Variants in PCDH9 observed in about 807,000 individuals in gnomAD.
The protein encoded by PCDH9 is protocadherin 9.
Under a neutral mutation model 70.6 loss-of-function variants are expected in PCDH9, and 24 were observed. That is an observed-to-expected ratio of 0.34 (90% CI 0.25 to 0.48). The LOEUF (loss-of-function observed/expected upper bound fraction) is 0.48. Ranked by LOEUF, PCDH9 falls within the 20% of genes least tolerant of loss-of-function variation. The probability of loss-of-function intolerance (pLI) is 0.99; values close to 1 mark genes in which losing one functional copy is unlikely to be tolerated. For synonymous variants in PCDH9, 562 were observed against 558.5 expected, an observed-to-expected ratio of 1.01 and a Z score of -0.09; for missense variants, 1,281 against 1,503.6, an observed-to-expected ratio of 0.85 and a Z score of 2.45.
intron 3 of PCDH9, among the ~76,000 whole-genome samples, chr13:66,850,655 A>G (rs2081301139): frequency 6.6e-6 from 1 of 152,256 alleles, no homozygotes; most frequent in South Asian, 2.1e-4. Flanking sequence ...CTTAAAGATG[A>G]TAACAAAAAT....
At chr13:66,801,530 A>G (rs2080326780) in intron 3 of PCDH9, among the ~76,000 whole-genome samples, 3 of 152,038 alleles carry the variant, frequency 2.0e-5, no homozygotes, top group Non-Finnish European at 4.4e-5. Context: ...TTAATGAATT[A>G]CTCTTTGTAG....
chr13:67,142,186 G>A (rs995583683), intron 2 of PCDH9, among the ~76,000 whole-genome samples: 14 of 152,066 alleles, frequency 9.2e-5, no homozygotes, highest in Non-Finnish European at 1.8e-4. Flanking sequence ...TTCTGCTACC[G>A]TAAGTTTTTA....
At chr13:67,195,419 A>G (rs1043786820) in intron 2 of PCDH9, among the ~76,000 whole-genome samples, 4 of 152,180 alleles carry the variant, frequency 2.6e-5, no homozygotes, top group Non-Finnish European at 2.9e-5. Flanking sequence ...CTGGGATTAC[A>G]GGCGTGAGCC....
intron 3 of PCDH9, among the ~76,000 whole-genome samples, chr13:66,732,117 A>G (rs1445293187): frequency 6.6e-6 from 1 of 151,910 alleles, no homozygotes; most frequent in Non-Finnish European, 1.5e-5. Flanking sequence ...TTTTAAATTT[A>G]TTTTTATTTT....
At chr13:66,542,230 C>G (rs1960988929) in intron 4 of PCDH9, among the ~76,000 whole-genome samples, 1 of 151,956 alleles carries the variant, frequency 6.6e-6, no homozygotes, top group Non-Finnish European at 1.5e-5. Flanking sequence ...GACCTAATGA[C>G]ACGAGACTAC....
chr13:66,671,780 C>A (rs116254988), intron 3 of PCDH9, among the ~76,000 whole-genome samples: 3,850 of 152,052 alleles, frequency 0.025, 125 homozygotes, highest in African/African-American at 0.075. Context: ...TTTATGTATT[C>A]AAAAATATAT....
chr13:66,893,381 C>T (rs1470284564), intron 3 of PCDH9, among the ~76,000 whole-genome samples: 1 of 152,096 alleles, frequency 6.6e-6, no homozygotes, highest in Non-Finnish European at 1.5e-5. Context: ...TTGTCAGAAG[C>T]CTTAGATTAG....
intron 4 of PCDH9, among the ~76,000 whole-genome samples, chr13:66,627,271 C>T (rs915968152): frequency 6.6e-5 from 10 of 151,988 alleles, no homozygotes; most frequent in African/African-American, 2.2e-4. Context: ...CTATCAAAGC[C>T]CGGTCAACAA....
intron 3 of PCDH9, among the ~76,000 whole-genome samples, chr13:66,744,630 A>G (rs1003327325): frequency 6.6e-6 from 1 of 152,118 alleles, no homozygotes; most frequent in Non-Finnish European, 1.5e-5. Context: ...AATAGGATAT[A>G]ATATATACAT....
At chr13:66,910,484 G>A (rs2082442540) in intron 2 of PCDH9, among the ~76,000 whole-genome samples, 1 of 152,078 alleles carries the variant, frequency 6.6e-6, no homozygotes. Flanking sequence ...AATGGAACCA[G>A]TACGTTCCAA....
At position 67,227,156 on chromosome 13, in the gene PCDH9, A is replaced by G; in HGVS notation, c.1285T>C (p.Tyr429His). The G allele has an allele frequency of 6.8e-6, 11 of 1,613,764 alleles. No individual in the cohort carries two copies. Among genetic ancestry groups the G allele is most frequent in the Non-Finnish European group, 9.3e-6 (11 of 1,179,626 alleles). Residue 429 changes from tyrosine (Y) to histidine (H), a missense_variant, in exon 2 of 5, where the codon TAT becomes CAT. Around this residue, in one of 4 missense-constraint regions of PCDH9, gnomAD observed 798 missense variants for 1,003.1 expected, o/e 0.80. Coordinates refer to ENST00000377865, the MANE Select transcript of PCDH9 (RefSeq NM_203487.3). The surrounding 1 kb of genome is among the most constrained non-coding windows in gnomAD (Gnocchi z 4.6). The part of the protein sequence containing the change: ...YLLETSSLLD[Y>H]EGTKEFSFKI... ...AAGCTGAATTCTTTGGTGCCCTCATAGTCCAACAAAGAAGAGGTCTCTAAC... is the reference window on the plus strand; with the variant it reads ...AAGCTGAATTCTTTGGTGCCCTCATGGTCCAACAAAGAAGAGGTCTCTAAC...
intron 3 of PCDH9, among the ~76,000 whole-genome samples, chr13:66,688,716 G>C (rs1029030981): frequency 2.0e-5 from 3 of 152,048 alleles, no homozygotes; most frequent in African/African-American, 7.2e-5. Flanking sequence ...TCAAATTATA[G>C]AAACTTATTG....
chr13:66,357,794 G>C (rs967857917), intron 4 of PCDH9, among the ~76,000 whole-genome samples: 1 of 152,032 alleles, frequency 6.6e-6, no homozygotes, highest in African/African-American at 2.4e-5. Context: ...CTGCAGCTGA[G>C]AACACAGCTT....
rs143983057 is a variant in PCDH9, at chr13:66,967,040, AGG to A, written c.3037-63437_3037-63436del. Among the ~76,000 whole-genome samples the A allele has an allele frequency of 3.5e-3, 530 of 152,196 alleles. 2 individuals carry two copies. Among genetic ancestry groups the A allele is most frequent in the Non-Finnish European group, 6.2e-3 (421 of 67,960 alleles). ...AACTGGCAGATCAATGTAAAAGAAA[AGG>A]AACAAGGAAGGAGGACTATGCCAAG... On this transcript the variant is annotated intron_variant, in intron 2 of 4. Transcript: ENST00000377865.
intron 4 of PCDH9, among the ~76,000 whole-genome samples, chr13:66,327,874 A>G (rs1331746543): frequency 2.0e-5 from 3 of 152,186 alleles, no homozygotes; most frequent in African/African-American, 7.2e-5. Context: ...CCCAGCTGTG[A>G]AAACTAGAAT....
intron 4 of PCDH9, among the ~76,000 whole-genome samples, chr13:66,415,752 T>A (rs1413577): frequency 0.37 from 56,328 of 151,796 alleles, 11,222 homozygotes; most frequent in East Asian, 0.49. Context: ...GAGAAAAAAA[T>A]CATAGGAAAA....
At chr13:66,690,937 T>C (rs564486122) in intron 3 of PCDH9, among the ~76,000 whole-genome samples, 1 of 152,354 alleles carries the variant, frequency 6.6e-6, no homozygotes, top group South Asian at 2.1e-4. Flanking sequence ...GCCTGAGACA[T>C]ATTGCACTAA....
chr13:66,976,269 T>C lies in PCDH9; in HGVS notation c.3037-72664A>G, dbSNP rs531617199. ...GTTTTAAATATTGGAGGAAAAATAT[T>C]GATTATTCATTTTAAGTAATTAATA... On this transcript the variant is annotated intron_variant, in intron 2 of 4. Transcript: ENST00000377865. Among the ~76,000 whole-genome samples, 3 of 152,196 alleles carry C rather than the reference T, an allele frequency of 2.0e-5. No homozygotes were observed. The South Asian group carries it at 6.2e-4, about 32-fold the overall frequency.
chr13:66,905,889 T>C (rs2082352242), intron 2 of PCDH9, among the ~76,000 whole-genome samples: 1 of 152,166 alleles, frequency 6.6e-6, no homozygotes, highest in African/African-American at 2.4e-5. Context: ...GCAGGACAAG[T>C]GTTCACTCTA....
Sources: gnomAD v4.1 joint callset for allele counts (sites outside exome capture counted in the v4.1 genomes callset) on GRCh38, gnomAD v4.1.1 for gene constraint, gnomAD v4.1.1 regional missense constraint, Gnocchi (gnomAD v3.1) non-coding constraint, MANE v1.5 for transcripts, NCBI Gene and HGNC (gene_info 2026-07-23, HGNC 2026-07-21) for gene names.